The following GRIK4 variants were observed in gnomAD, a reference collection of about 807,000 sequenced individuals.
GRIK4 encodes the protein glutamate receptor ionotropic, kainate 4.
Under a neutral mutation model 104.9 loss-of-function variants are expected in GRIK4, and 40 were observed. That is an observed-to-expected ratio of 0.38 (90% confidence interval 0.30 to 0.50). GRIK4 has a LOEUF of 0.50. GRIK4 is among the 20% of genes least tolerant of loss of function. GRIK4 has a pLI of 0.93. For synonymous variants in GRIK4, 485 were observed against 524.9 expected, an observed-to-expected ratio of 0.92 and a Z score of 1.04; for missense variants, 1,047 against 1,308.1, an observed-to-expected ratio of 0.80 and a Z score of 3.08.
chr11:120,617,194 G>T (rs1002834811), intron 1 of GRIK4, among the ~76,000 whole-genome samples: 1 of 152,152 alleles, frequency 6.6e-6, no homozygotes, highest in Non-Finnish European at 1.5e-5. Context: ...GTTAAGAACC[G>T]CAGTCAGCTC....
intron 8 of GRIK4, among the ~76,000 whole-genome samples, chr11:120,854,277 G>A (rs1378088837): frequency 6.6e-6 from 1 of 152,226 alleles, no homozygotes; most frequent in East Asian, 1.9e-4. Flanking sequence ...TTGGGTGAAA[G>A]CAGGCAAGAA....
At chr11:120,865,343 A>G (rs1954378604) in intron 9 of GRIK4, among the ~76,000 whole-genome samples, 2 of 152,264 alleles carry the variant, frequency 1.3e-5, no homozygotes, top group African/African-American at 4.8e-5. Context: ...ATGATACACA[A>G]TAAATATGCA....
At chr11:120,794,544 G>T (rs1415450409) in intron 3 of GRIK4, among the ~76,000 whole-genome samples, 1 of 151,888 alleles carries the variant, frequency 6.6e-6, no homozygotes, top group Admixed American at 6.5e-5. Context: ...TTGGACTTCT[G>T]TCTACATGAA....
At chr11:120,690,804 C>A (rs1950347283) in intron 3 of GRIK4, among the ~76,000 whole-genome samples, 1 of 152,184 alleles carries the variant, frequency 6.6e-6, no homozygotes, top group South Asian at 2.1e-4. Flanking sequence ...TAGTTTCAGG[C>A]CATTTCTTCT....
chr11:120,628,087 G>A (rs1417537557), intron 1 of GRIK4, among the ~76,000 whole-genome samples: 1 of 152,190 alleles, frequency 6.6e-6, no homozygotes, highest in Admixed American at 6.5e-5. Context: ...GAGGCAGCCT[G>A]TGCCGGGGTG....
In GRIK4 at chr11:120,650,705, A is replaced by C. The variant is rs76433797; in HGVS notation, c.-158-2980A>C. Among the ~76,000 whole-genome samples the C allele has an allele frequency of 1.6e-3, 241 of 152,350 alleles. 4 individuals carry two copies. In the East Asian group the frequency reaches 0.033, roughly 21 times the overall value. ...ACTGTATATATCCCAGGGCCTGGAA[A>C]ATTACCTGCCATGCAGTAGACACTC... On this transcript the variant is annotated intron_variant, in intron 1 of 20. Transcript: ENST00000527524.
intron 14 of GRIK4, among the ~76,000 whole-genome samples, chr11:120,945,670 C>A (rs533504606): frequency 1.3e-5 from 2 of 152,326 alleles, no homozygotes; most frequent in East Asian, 3.9e-4. Flanking sequence ...TACCTTCTGG[C>A]CTTTACCCCT....
intron 3 of GRIK4, among the ~76,000 whole-genome samples, chr11:120,768,901 T>C (rs1951890120): frequency 6.6e-6 from 1 of 152,250 alleles, no homozygotes; most frequent in African/African-American, 2.4e-5. Context: ...AACTTGGTCA[T>C]GATATATAAT....
At chr11:120,907,551 A>T (rs1005587362) in intron 13 of GRIK4, among the ~76,000 whole-genome samples, 1 of 152,220 alleles carries the variant, frequency 6.6e-6, no homozygotes, top group African/African-American at 2.4e-5. Context: ...TATTTATTGA[A>T]CATCTTCCAC....
At chr11:120,802,550 G>A (rs1249086994) in intron 3 of GRIK4, 143 bp from the exon 4 acceptor site, 1 of 698,826 alleles carries the variant, frequency 1.4e-6, no homozygotes. Context: ...TGTTCTGGGG[G>A]ACGGTTCTGA....
intron 3 of GRIK4, among the ~76,000 whole-genome samples, chr11:120,731,281 A>C (rs1951124527): frequency 6.6e-6 from 1 of 151,478 alleles, no homozygotes; most frequent in Non-Finnish European, 1.5e-5. Context: ...TAATCATGAA[A>C]GGATGTTGAA....
chr11:120,706,037 A>G (rs1308155416), intron 3 of GRIK4, among the ~76,000 whole-genome samples: 2 of 152,148 alleles, frequency 1.3e-5, no homozygotes, highest in African/African-American at 4.8e-5. Context: ...ACTGCTTTCC[A>G]GCATCGGGCC....
intron 1 of GRIK4, among the ~76,000 whole-genome samples, chr11:120,649,206 A>T (rs1565272259): frequency 6.6e-6 from 1 of 152,092 alleles, no homozygotes; most frequent in Non-Finnish European, 1.5e-5. Context: ...CCTCTGCCCC[A>T]CACACCTGGG....
intron 13 of GRIK4, among the ~76,000 whole-genome samples, chr11:120,920,589 G>A (rs1408419530): frequency 1.3e-5 from 2 of 151,844 alleles, no homozygotes; most frequent in African/African-American, 4.8e-5. Context: ...GGTTATATGC[G>A]CTGTTCCAAC....
intron 16 of GRIK4, among the ~76,000 whole-genome samples, chr11:120,957,941 C>G (rs1434211656): frequency 1.3e-5 from 2 of 152,162 alleles, no homozygotes; most frequent in African/African-American, 4.8e-5. Context: ...CGATTTAAAC[C>G]TGGGCGAGAT....
At chr11:120,529,341 G>A (rs905105148) in intron 1 of GRIK4, among the ~76,000 whole-genome samples, 12 of 152,160 alleles carry the variant, frequency 7.9e-5, no homozygotes, top group Non-Finnish European at 1.6e-4. Flanking sequence ...CAAAGCGATC[G>A]AGCACCAAAG....
chr11:120,518,944 T>C (rs773746817), intron 1 of GRIK4, among the ~76,000 whole-genome samples: 2 of 152,228 alleles, frequency 1.3e-5, no homozygotes, highest in Non-Finnish European at 2.9e-5. Flanking sequence ...CTGGGTCTTG[T>C]GGCCCTGCCT....
At chr11:120,783,584 C>T (rs539649617) in intron 3 of GRIK4, among the ~76,000 whole-genome samples, 1 of 152,114 alleles carries the variant, frequency 6.6e-6, no homozygotes, top group Non-Finnish European at 1.5e-5. Context: ...TGGGTAATTG[C>T]GTGGGCTCCA....
At chr11:120,631,204 G>A (rs527982236) in intron 1 of GRIK4, among the ~76,000 whole-genome samples, 11 of 152,238 alleles carry the variant, frequency 7.2e-5, no homozygotes, top group Admixed American at 1.3e-4. Context: ...GATCATTGTC[G>A]TCATTTCATT....
Sources: allele counts gnomAD v4.1 joint callset (sites outside exome capture counted in the v4.1 genomes callset), GRCh38; gene constraint gnomAD v4.1.1; transcripts MANE v1.5; gene names NCBI Gene and HGNC (gene_info 2026-07-23, HGNC 2026-07-21).